Variants in PLPPR5 observed in about 807,000 individuals in gnomAD.
PLPPR5 encodes the protein phospholipid phosphatase-related protein type 5.
In PLPPR5, 16 loss-of-function variants were observed where a neutral mutation model predicts 33.9. The ratio of observed to expected loss-of-function variants is 0.47; its 90% CI spans 0.32 to 0.72. The LOEUF (loss-of-function observed/expected upper bound fraction) is 0.72. Among genes scored for constraint, PLPPR5 ranks in the 30% least tolerant of loss-of-function variants. The pLI is 0.03. For synonymous variants in PLPPR5, 163 were observed against 150.3 expected (o/e 1.08, Z -0.62); for missense variants, 301 against 406.7 (o/e 0.74, Z 2.23).
Position 99,004,802 on chromosome 1 carries a change from G to A in PLPPR5, c.-131C>T, listed in dbSNP as rs1653014934. 2 of 425,142 alleles carry A rather than the reference G, an allele frequency of 4.7e-6. No homozygotes were observed. Among genetic ancestry groups the A allele is most frequent in the Non-Finnish European group, 7.4e-6 (2 of 269,876 alleles). The allele number at this position is 425,142 out of a possible 1,614,324, so 26.3% of individuals were successfully genotyped here. A position where few individuals can be genotyped will look rare whatever the true frequency, so the allele number is the denominator to read the frequency against. On this transcript the variant is annotated 5_prime_UTR_variant, in exon 1 of 6. Transcript: ENST00000263177. Reference sequence around the variant, plus strand: ...GCGGGAGGACGAGGCACGGGAGGCGGGATGGAGCCGCTGGAGGAAGAGGCG... The same window carrying A: ...GCGGGAGGACGAGGCACGGGAGGCGAGATGGAGCCGCTGGAGGAAGAGGCG...
Position 98,994,586 on chromosome 1 carries a change from C to A in PLPPR5, c.237+9849G>T, listed in dbSNP as rs543763091. On this transcript the variant is annotated intron_variant, in intron 1 of 5. Coordinates refer to ENST00000263177, the MANE Select transcript of PLPPR5 (RefSeq NM_001037317.2). ...ATGAAGTCTGTAATTTACTTTAAAA[C>A]ACTTCATCATAATCTGTCTGATATG... Among the ~76,000 whole-genome samples, 4 of 152,172 alleles carry A rather than the reference C, an allele frequency of 2.6e-5. No individual in the cohort carries two copies. In the East Asian group the frequency reaches 7.7e-4, roughly 29 times the overall value.
chr1:98,977,765 T>C (rs186996600), intron 1 of PLPPR5, among the ~76,000 whole-genome samples: 1 of 151,810 alleles, frequency 6.6e-6, no homozygotes, highest in Admixed American at 6.6e-5. Context: ...TATCTTCTGG[T>C]AGAGAACTAG....
chr1:98,955,039 G>T (rs1161710601), intron 2 of PLPPR5, among the ~76,000 whole-genome samples: 1 of 152,032 alleles, frequency 6.6e-6, no homozygotes, highest in Non-Finnish European at 1.5e-5. Context: ...AATTATTAAA[G>T]TGAGATCCTG....
intron 5 of PLPPR5, among the ~76,000 whole-genome samples, chr1:98,910,066 T>G (rs1649066020): frequency 6.6e-6 from 1 of 152,222 alleles, no homozygotes; most frequent in African/African-American, 2.4e-5. Flanking sequence ...CACTGCAGCT[T>G]ACAGTTTATC....
At chr1:98,897,773 T>G (rs1648533544) in intron 5 of PLPPR5, among the ~76,000 whole-genome samples, 1 of 152,086 alleles carries the variant, frequency 6.6e-6, no homozygotes, top group Admixed American at 6.6e-5. Context: ...GCAAGCAATT[T>G]AACCTTTCAC....
At chr1:98,925,133 GA>G (rs1649705903) in intron 3 of PLPPR5, among the ~76,000 whole-genome samples, 1 of 152,182 alleles carries the variant, frequency 6.6e-6, no homozygotes. Context: ...TGCAGAAAAG[GA>G]AATTATGGCA....
chr1:98,923,821 T>C (rs1649658373), intron 3 of PLPPR5, among the ~76,000 whole-genome samples: 1 of 152,194 alleles, frequency 6.6e-6, no homozygotes, highest in African/African-American at 2.4e-5. Flanking sequence ...AAAACGATGC[T>C]TTTGCCATTC....
chr1:98,976,852 A>G (rs560118588), intron 1 of PLPPR5, among the ~76,000 whole-genome samples: 2 of 152,042 alleles, frequency 1.3e-5, no homozygotes, highest in Non-Finnish European at 2.9e-5. Flanking sequence ...AATTTAAAAT[A>G]TGGTTCACAT....
At chr1:98,953,926 A>G (rs1650902797) in intron 2 of PLPPR5, among the ~76,000 whole-genome samples, 1 of 152,208 alleles carries the variant, frequency 6.6e-6, no homozygotes, top group Admixed American at 6.5e-5. Context: ...TTTTAAAGTC[A>G]TAGAACAGCT....
rs995760322 is a variant in PLPPR5, at chr1:98,921,870, A to T, written c.798+12T>A. ...TAAAAACCCAATGATATATAAATAA[A>T]TTTGTACTTACCAGAAATACTGCTA... On this transcript the variant is annotated intron_variant, in intron 4 of 5. Transcript: ENST00000263177. 6.3e-7 allele frequency: 1 copy of T among 1,595,938 alleles called. No individual in the cohort carries two copies. The highest frequency in any genetic ancestry group is 1.4e-5 in the African/African-American group (1 of 74,070).
At chr1:98,942,133 G>A (rs1244134684) in intron 3 of PLPPR5, among the ~76,000 whole-genome samples, 2 of 147,962 alleles carry the variant, frequency 1.4e-5, no homozygotes, top group East Asian at 1.9e-4. Context: ...GTGCAGTGGC[G>A]CAATCTCGGC....
At chr1:98,947,187 C>T (rs530907581) in intron 3 of PLPPR5, among the ~76,000 whole-genome samples, 13 of 152,230 alleles carry the variant, frequency 8.5e-5, no homozygotes, top group African/African-American at 3.1e-4. Context: ...TATATTTATC[C>T]ATCATAAGCC....
chr1:98,893,943 T>TTCA (rs1648377055), intron 5 of PLPPR5, among the ~76,000 whole-genome samples: 1 of 152,036 alleles, frequency 6.6e-6, no homozygotes. Flanking sequence ...TAAACAGAAT[T>TTCA]TCATATGATG....
intron 3 of PLPPR5, among the ~76,000 whole-genome samples, chr1:98,952,032 GT>G (rs1340630406): frequency 1.3e-5 from 2 of 152,136 alleles, no homozygotes; most frequent in Admixed American, 6.5e-5. Flanking sequence ...GGAGGCCAAG[GT>G]GGGCAGATCA....
At chr1:99,002,098 T>A (rs931598644) in intron 1 of PLPPR5, among the ~76,000 whole-genome samples, 11 of 152,082 alleles carry the variant, frequency 7.2e-5, no homozygotes, top group African/African-American at 2.7e-4. Flanking sequence ...CCAGCGTTCT[T>A]GAGAAGAGTG....
chr1:98,894,136 C>T (rs976460792), intron 5 of PLPPR5, among the ~76,000 whole-genome samples: 18 of 151,986 alleles, frequency 1.2e-4, no homozygotes, highest in African/African-American at 4.1e-4. Context: ...ATCTTCTAGG[C>T]TTGACCCACT....
At chr1:98,936,834 A>C (rs1268334156) in intron 3 of PLPPR5, among the ~76,000 whole-genome samples, 1 of 152,226 alleles carries the variant, frequency 6.6e-6, no homozygotes, top group African/African-American at 2.4e-5. Flanking sequence ...GATTTATTAG[A>C]GGACAAGGGC....
intron 3 of PLPPR5, among the ~76,000 whole-genome samples, chr1:98,936,241 T>C (rs1408175541): frequency 1.3e-5 from 2 of 152,238 alleles, no homozygotes; most frequent in Non-Finnish European, 2.9e-5. Context: ...TTACTTATTA[T>C]TCACACAAAT....
At chr1:98,989,409 A>C (rs2100759157) in intron 1 of PLPPR5, among the ~76,000 whole-genome samples, 1 of 152,256 alleles carries the variant, frequency 6.6e-6, no homozygotes, top group Non-Finnish European at 1.5e-5. Context: ...TAGAAAAAGA[A>C]CTCAAAGAAA....
Sources: allele counts gnomAD v4.1 joint callset (sites outside exome capture counted in the v4.1 genomes callset), GRCh38; gene constraint gnomAD v4.1.1; transcripts MANE v1.5; gene names NCBI Gene and HGNC (gene_info 2026-07-23, HGNC 2026-07-21).